MS4A4A: variants seen among roughly 807,000 people sequenced by gnomAD.
The protein encoded by MS4A4A is membrane spanning 4-domains A4A.
Under a neutral mutation model 28.0 loss-of-function variants are expected in MS4A4A, and 26 were observed. The observed-to-expected ratio is 0.93, with a 90% CI of 0.68 to 1.29. MS4A4A has a LOEUF of 1.29. Among genes scored for constraint, MS4A4A ranks in the 50% most tolerant of loss-of-function variants. The pLI is 0.00. For synonymous variants in MS4A4A, 86 were observed against 100.8 expected, an observed-to-expected ratio of 0.85 and a Z score of 0.88; for missense variants, 290 against 293.1, an observed-to-expected ratio of 0.99 and a Z score of 0.08.
chr11:60,288,431 G>A (rs2084821631), intron 1 of MS4A4A, among the ~76,000 whole-genome samples: 2 of 152,220 alleles, frequency 1.3e-5, no homozygotes, highest in Non-Finnish European at 2.9e-5. Flanking sequence ...CAAAGCTGAG[G>A]CTGTAACTTT....
At chr11:60,293,614 C>G (rs1389064640) in intron 2 of MS4A4A, among the ~76,000 whole-genome samples, 3 of 152,154 alleles carry the variant, frequency 2.0e-5, no homozygotes, top group Non-Finnish European at 4.4e-5. Context: ...ATGAATCTAC[C>G]TTTGTAGTAT....
At chr11:60,282,498 G>A in intron 1 of MS4A4A, 7 of 1,077,290 alleles carry the variant, frequency 6.5e-6, no homozygotes, top group Middle Eastern at 2.3e-4. Flanking sequence ...GTGGGGAAGT[G>A]GGGGAATAGT....
At chr11:60,282,451 T>C in intron 1 of MS4A4A, 2 of 610,860 alleles carry the variant, frequency 3.3e-6, no homozygotes, top group Non-Finnish European at 4.8e-6. Context: ...AACCCTTATT[T>C]ACCGTCATAG....
intron 6 of MS4A4A, among the ~76,000 whole-genome samples, chr11:60,307,846 T>C (rs145096996): frequency 1.2e-3 from 176 of 152,292 alleles, no homozygotes; most frequent in Admixed American, 4.1e-3. Flanking sequence ...TACTGTGCAC[T>C]GTCATCCACA....
intron 1 of MS4A4A, among the ~76,000 whole-genome samples, chr11:60,285,410 C>T (rs938521362): frequency 4.6e-5 from 7 of 152,094 alleles, no homozygotes; most frequent in Admixed American, 1.3e-4. Context: ...TGGCTGAGGT[C>T]GAGGCTGCAG....
At chr11:60,293,002 T>A (rs2084871564) in intron 2 of MS4A4A, among the ~76,000 whole-genome samples, 1 of 152,232 alleles carries the variant, frequency 6.6e-6, no homozygotes, top group Non-Finnish European at 1.5e-5. Context: ...AATATAGTTA[T>A]TTCTCATAAA....
At chr11:60,290,735 G>C (rs967029780) in intron 1 of MS4A4A, among the ~76,000 whole-genome samples, 1 of 151,268 alleles carries the variant, frequency 6.6e-6, no homozygotes, top group African/African-American at 2.4e-5. Flanking sequence ...TCATTTTAAC[G>C]TTTCTCCTCT....
intron 2 of MS4A4A, among the ~76,000 whole-genome samples, 155 bp downstream of exon 2, chr11:60,292,539 A>G (rs1201746008): frequency 1.3e-5 from 2 of 152,232 alleles, no homozygotes; most frequent in Non-Finnish European, 1.5e-5. Flanking sequence ...GAAAAACTAT[A>G]TAGTATTCTG....
At chr11:60,300,844 TC>T (rs1435726181) in intron 3 of MS4A4A, among the ~76,000 whole-genome samples, 156 bp from the exon 4 acceptor site, 1 of 152,114 alleles carries the variant, frequency 6.6e-6, no homozygotes, top group African/African-American at 2.4e-5. Context: ...CTCTGTTCTT[TC>T]TGGGAAAAGG....
At chr11:60,303,290 C>T (rs1281161389) in intron 5 of MS4A4A, among the ~76,000 whole-genome samples, 4 of 152,136 alleles carry the variant, frequency 2.6e-5, no homozygotes. Flanking sequence ...TCTGAAAATG[C>T]CACCTACACA....
chr11:60,294,892 A>ACTACTACTTCTTCTTCTTCTTCTTCTT (rs60374079), intron 2 of MS4A4A, among the ~76,000 whole-genome samples: 2,412 of 130,504 alleles, frequency 0.018, 83 homozygotes, highest in South Asian at 0.033. Flanking sequence ...TACAACTACT[A>ACTACTACTTCTTCTTCTTCTTCTTCTT]CTTCTTCTTC....
chr11:60,283,215 C>T lies in MS4A4A; in HGVS notation c.41+2499C>T, dbSNP rs192421742. On this transcript the variant is annotated intron_variant, in intron 1 of 6. Transcript: ENST00000337908. ...CTGAGTAGCTGGGATTACAGGCGCC[C>T]ACCACCACACCCAGCTAATTTTTGC... 1.6e-3 allele frequency among the ~76,000 whole-genome samples: 246 copies of T among 152,148 alleles called. 1 individual carries two copies. Among genetic ancestry groups the T allele is most frequent in the African/African-American group, 5.4e-3 (225 of 41,512 alleles).
At chr11:60,306,801 G>A (rs1028022867) in intron 6 of MS4A4A, among the ~76,000 whole-genome samples, 2 of 152,186 alleles carry the variant, frequency 1.3e-5, no homozygotes, top group Non-Finnish European at 2.9e-5. Flanking sequence ...TCACAATGAA[G>A]AGGTCCCCAA....
At position 60,301,054 on chromosome 11, in the gene MS4A4A, C is replaced by T; in HGVS notation, c.384C>T (p.Gly128=). 6.3e-7 allele frequency: 1 copy of T among 1,590,346 alleles called. No homozygotes were observed. Among genetic ancestry groups the T allele is most frequent in the Non-Finnish European group, 8.5e-7 (1 of 1,170,250 alleles). The part of the protein sequence containing the change: ...SIAAGIRTTK[G]LVRGSLGMNI... ...CAGCAGGAATTAGAACTACAAAAGG[C>T]CTGGTGAGTAATATTTTCTTTTTTT... Residue 128 remains glycine (G), a synonymous_variant, in exon 4 of 7, where the codon GGC becomes GGT. Transcript: ENST00000337908.
chr11:60,290,639 T>C lies in MS4A4A; in HGVS notation c.42-1586T>C, dbSNP rs1001618939. Reference sequence around the variant, plus strand: ...GAAATACTTATTTTATAATTTGTAATTTTGTACTTTTTATTTTACTATTTT... The same window carrying C: ...GAAATACTTATTTTATAATTTGTAACTTTGTACTTTTTATTTTACTATTTT... On this transcript the variant is annotated intron_variant, in intron 1 of 6. Coordinates refer to ENST00000337908, the MANE Select transcript of MS4A4A (RefSeq NM_148975.3). Among the ~76,000 whole-genome samples the C allele has an allele frequency of 2.2e-4, 34 of 152,044 alleles. 1 individual carries two copies. The highest frequency in any genetic ancestry group is 1.7e-3 in the Admixed American group (26 of 15,274).
intron 5 of MS4A4A, among the ~76,000 whole-genome samples, chr11:60,304,728 A>C (rs1162762124): frequency 2.0e-5 from 3 of 152,214 alleles, no homozygotes; most frequent in Non-Finnish European, 4.4e-5. Flanking sequence ...TTATAACAGC[A>C]GGTTTGAGTA....
At chr11:60,303,086 G>T (rs2084967619) in intron 5 of MS4A4A, among the ~76,000 whole-genome samples, 1 of 152,134 alleles carries the variant, frequency 6.6e-6, no homozygotes, top group South Asian at 2.1e-4. Flanking sequence ...TAATAATGAA[G>T]TAAAATTGTC....
intron 5 of MS4A4A, chr11:60,305,823 C>T (rs993182934): frequency 4.0e-5 from 15 of 371,774 alleles, no homozygotes; most frequent in Admixed American, 3.9e-4. Context: ...CTTTATACTA[C>T]CTTCCTAACT....
intron 1 of MS4A4A, among the ~76,000 whole-genome samples, chr11:60,291,292 A>C (rs1365478351): frequency 1.3e-5 from 2 of 152,230 alleles, no homozygotes; most frequent in African/African-American, 2.4e-5. Context: ...TGTGGTGCCA[A>C]GAATATGACT....
Sources: gnomAD v4.1 joint callset for allele counts (sites outside exome capture counted in the v4.1 genomes callset) on GRCh38, gnomAD v4.1.1 for gene constraint, MANE v1.5 for transcripts, NCBI Gene and HGNC (gene_info 2026-07-23, HGNC 2026-07-21) for gene names.